C4BPA: variants seen among roughly 807,000 people sequenced by gnomAD.
The protein encoded by C4BPA is complement component 4 binding protein alpha.
C4BPA carries 31 observed loss-of-function variants against 63.7 expected under a neutral mutation model. That is an observed-to-expected ratio of 0.49 (90% CI 0.37 to 0.66). The LOEUF is 0.66. Ranked by LOEUF, C4BPA falls within the 30% of genes least tolerant of loss-of-function variation. The pLI, the probability that C4BPA is intolerant of heterozygous loss-of-function variation, is 0.00. For missense variants in C4BPA, 572 were observed against 723.3 expected, an observed-to-expected ratio of 0.79 and a Z score of 2.40; for synonymous variants, 259 against 254.7, an observed-to-expected ratio of 1.02 and a Z score of -0.16.
chr1:207,123,371 A>G (rs946561205), intron 4 of C4BPA, among the ~76,000 whole-genome samples: 1 of 152,218 alleles, frequency 6.6e-6, no homozygotes, highest in Admixed American at 6.5e-5. Context: ...ATGATTATCA[A>G]TATCCTTGAT....
Position 207,142,382 on chromosome 1 carries a change from G to A in C4BPA, c.1444+1106G>A, listed in dbSNP as rs535533577. On this transcript the variant is annotated intron_variant, in intron 10 of 11. Coordinates refer to ENST00000367070, the MANE Select transcript of C4BPA (RefSeq NM_000715.4). ...GTGAATAGTGCTGCAATAAACATAC[G>A]TGTGCATGTGTCTTTATCATAGAAT... Among the ~76,000 whole-genome samples the A allele has an allele frequency of 2.0e-3, 297 of 152,116 alleles. 1 individual carries two copies. The highest frequency in any genetic ancestry group is 6.9e-3 in the African/African-American group (288 of 41,470).
At chr1:207,112,756 A>G (rs1376358429) in intron 1 of C4BPA, 2 of 403,668 alleles carry the variant, frequency 5.0e-6, no homozygotes, top group Non-Finnish European at 8.7e-6. Context: ...GTGCAGATGC[A>G]GTCTCCTCTG....
intron 4 of C4BPA, among the ~76,000 whole-genome samples, chr1:207,117,732 C>T (rs1160913878): frequency 1.3e-5 from 2 of 152,132 alleles, no homozygotes; most frequent in Admixed American, 1.3e-4. Flanking sequence ...GGCCTTGACT[C>T]CCTGCCTCTG....
At chr1:207,108,559 A>G (rs574110259) in intron 1 of C4BPA, among the ~76,000 whole-genome samples, 2 of 152,320 alleles carry the variant, frequency 1.3e-5, no homozygotes, top group South Asian at 4.1e-4. Context: ...GAATTTAACT[A>G]GTTAGCAACC....
chr1:207,140,507 T>A (rs959456381), intron 9 of C4BPA, among the ~76,000 whole-genome samples: 1 of 152,162 alleles, frequency 6.6e-6, no homozygotes, highest in Non-Finnish European at 1.5e-5. Flanking sequence ...CTGCTTTTTT[T>A]TTTTTTTTTA....
At chr1:207,123,282 TG>T (rs1433820282) in intron 4 of C4BPA, among the ~76,000 whole-genome samples, 1 of 152,244 alleles carries the variant, frequency 6.6e-6, no homozygotes, top group Non-Finnish European at 1.5e-5. Context: ...GCTCTTAGAT[TG>T]CTGAAGGTGA....
At chr1:207,127,695 T>C (rs371132749) in intron 7 of C4BPA, among the ~76,000 whole-genome samples, 246 of 152,274 alleles carry the variant, frequency 1.6e-3, no homozygotes, top group African/African-American at 5.3e-3. Flanking sequence ...AAGAAAACCA[T>C]TCAAAGTCTC....
chr1:207,133,868 T>C (rs1685219581), intron 8 of C4BPA, among the ~76,000 whole-genome samples: 1 of 152,232 alleles, frequency 6.6e-6, no homozygotes, highest in Non-Finnish European at 1.5e-5. Context: ...GATATAAACT[T>C]TTGAAAACTT....
intron 5 of C4BPA, 27 bp from the exon 6 acceptor site, chr1:207,124,148 T>C (rs1472034309): frequency 1.2e-6 from 2 of 1,600,726 alleles, no homozygotes. Context: ...CGCTGAGTAT[T>C]TCTTTCTCTT....
chr1:207,112,082 G>A (rs1324267884), intron 1 of C4BPA, among the ~76,000 whole-genome samples: 3 of 151,912 alleles, frequency 2.0e-5, no homozygotes, highest in African/African-American at 7.3e-5. Flanking sequence ...CAAAGGGAAT[G>A]GGAAGTGGTG....
intron 4 of C4BPA, among the ~76,000 whole-genome samples, chr1:207,118,273 G>T (rs546519352): frequency 2.9e-5 from 4 of 139,774 alleles, no homozygotes; most frequent in African/African-American, 1.1e-4. Flanking sequence ...ATTTCTGCAT[G>T]TTAGTTTGAT....
At chr1:207,116,248 C>T (rs987164951) in intron 4 of C4BPA, among the ~76,000 whole-genome samples, 2 of 152,252 alleles carry the variant, frequency 1.3e-5, no homozygotes, top group African/African-American at 2.4e-5. Context: ...AATAAAATCT[C>T]ACTATAGTTT....
At chr1:207,106,752 A>T (rs1262279598) in intron 1 of C4BPA, among the ~76,000 whole-genome samples, 7 of 152,108 alleles carry the variant, frequency 4.6e-5, no homozygotes, top group African/African-American at 1.7e-4. Flanking sequence ...CCTCTGTGTA[A>T]GTTTTAAGCT....
At chr1:207,107,095 G>A (rs1270247266) in intron 1 of C4BPA, among the ~76,000 whole-genome samples, 1 of 152,176 alleles carries the variant, frequency 6.6e-6, no homozygotes, top group Non-Finnish European at 1.5e-5. Context: ...TAGAAGAACA[G>A]AAAACACTGG....
chr1:207,143,936 A>G lies in C4BPA; in HGVS notation c.1563A>G (p.Gln521=), dbSNP rs759668921. ...CDSGYGVVGP[Q]SITCSGNRTW... is the part of the protein sequence containing the mutation. Reference sequence around the variant, plus strand: ...CTGGCTATGGTGTGGTTGGTCCCCAAAGTATCACTTGCTCTGGGAACAGAA... The same window carrying G: ...CTGGCTATGGTGTGGTTGGTCCCCAGAGTATCACTTGCTCTGGGAACAGAA... The change falls in exon 11 of 12, where the codon CAA becomes CAG. Residue 521 remains glutamine, a synonymous_variant. Coordinates refer to ENST00000367070, the MANE Select transcript of C4BPA (RefSeq NM_000715.4). 3 of 1,610,800 alleles carry G rather than the reference A, an allele frequency of 1.9e-6. No homozygotes were observed. Among genetic ancestry groups the G allele is most frequent in the Non-Finnish European group, 2.5e-6 (3 of 1,178,670 alleles).
chr1:207,107,823 T>C (rs771485152), intron 1 of C4BPA, among the ~76,000 whole-genome samples: 8 of 152,172 alleles, frequency 5.3e-5, no homozygotes, highest in Non-Finnish European at 1.0e-4. Flanking sequence ...AAACCTGGAC[T>C]ATGGAAGTGG....
intron 1 of C4BPA, among the ~76,000 whole-genome samples, chr1:207,111,705 TC>T (rs1684671083): frequency 1.3e-5 from 2 of 152,026 alleles, no homozygotes; most frequent in Non-Finnish European, 2.9e-5. Flanking sequence ...TACATTACAG[TC>T]CTACATTATG....
chr1:207,126,630 T>G, intron 6 of C4BPA, 83 bp from the exon 7 acceptor site: 4 of 994,006 alleles, frequency 4.0e-6, no homozygotes, highest in Non-Finnish European at 6.1e-6. Flanking sequence ...GTGTTGCACT[T>G]GTAACTGGAT....
At chr1:207,125,903 T>C (rs1685030329) in intron 6 of C4BPA, among the ~76,000 whole-genome samples, 1 of 152,056 alleles carries the variant, frequency 6.6e-6, no homozygotes, top group Non-Finnish European at 1.5e-5. Context: ...AGTAGCAGAA[T>C]TGCCAGGACT....
Sources: allele counts gnomAD v4.1 joint callset (sites outside exome capture counted in the v4.1 genomes callset), GRCh38; gene constraint gnomAD v4.1.1; transcripts MANE v1.5; gene names NCBI Gene and HGNC (gene_info 2026-07-23, HGNC 2026-07-21).